Variants in EPC1 observed in about 807,000 individuals in gnomAD.
EPC1 encodes enhancer of polycomb homolog 1.
EPC1 carries 12 observed loss-of-function variants against 98.4 expected under a neutral mutation model. The observed-to-expected ratio is 0.12, with a 90% CI of 0.08 to 0.20. The LOEUF is 0.20. EPC1 is among the 10% of genes least tolerant of loss of function. The pLI is 1.00. For missense variants in EPC1, 729 were observed against 990.5 expected (o/e 0.74, Z 3.54); for synonymous variants, 357 against 363.9 (o/e 0.98, Z 0.21).
At chr10:32,363,635 T>A (rs1346088556) in intron 1 of EPC1, among the ~76,000 whole-genome samples, 2 of 150,910 alleles carry the variant, frequency 1.3e-5, no homozygotes, top group Non-Finnish European at 3.0e-5. Context: ...CTATCCTTTC[T>A]CTTTCAATTC....
chr10:32,346,211 CCACGTGGGGGCTG>C (rs1355716923), intron 1 of EPC1, among the ~76,000 whole-genome samples: 3 of 152,344 alleles, frequency 2.0e-5, no homozygotes, highest in Non-Finnish European at 4.4e-5. Flanking sequence ...GTCTGAGGCT[CCACGTGGGGGCTG>C]CACTGAGCCC....
intron 1 of EPC1, among the ~76,000 whole-genome samples, chr10:32,367,666 C>T (rs540260194): frequency 6.6e-6 from 1 of 152,120 alleles, no homozygotes; most frequent in East Asian, 1.9e-4. Context: ...AATGCAAAAT[C>T]GTAAAGTCAT....
intron 1 of EPC1, among the ~76,000 whole-genome samples, chr10:32,346,006 A>G (rs958930729): frequency 9.9e-5 from 15 of 152,262 alleles, no homozygotes; most frequent in Non-Finnish European, 2.1e-4. Flanking sequence ...AGAAAAAGTC[A>G]GGGATAGTGG....
intron 10 of EPC1, among the ~76,000 whole-genome samples, chr10:32,278,239 G>A (rs1022137016): frequency 3.5e-4 from 52 of 150,122 alleles, no homozygotes; most frequent in Middle Eastern, 3.7e-3. Context: ...CGGAGTTTTC[G>A]CCATGTTTGC....
chr10:32,286,620 C>T, intron 9 of EPC1, 74 bp downstream of exon 9: 1 of 1,545,214 alleles, frequency 6.5e-7, no homozygotes, highest in African/African-American at 1.4e-5. Context: ...GAGGGATTAC[C>T]TGACTTTAAA....
chr10:32,339,926 T>C (rs1838233307), intron 1 of EPC1, among the ~76,000 whole-genome samples: 1 of 152,178 alleles, frequency 6.6e-6, no homozygotes, highest in African/African-American at 2.4e-5. Flanking sequence ...GCTATTTGGA[T>C]GCTCAGAGGA....
At chr10:32,333,740 T>C (rs1837780411) in intron 1 of EPC1, among the ~76,000 whole-genome samples, 1 of 145,906 alleles carries the variant, frequency 6.9e-6, no homozygotes, top group African/African-American at 2.5e-5. Context: ...CACTTCACAG[T>C]GTATCTCAGT....
At position 32,284,827 on chromosome 10, in the gene EPC1, T is replaced by C; in HGVS notation, c.1615A>G (p.Ser539Gly). The C allele has an allele frequency of 6.2e-7, 1 of 1,614,224 alleles. No homozygotes were observed. The highest frequency in any genetic ancestry group is 8.5e-7 in the Non-Finnish European group (1 of 1,180,028). Residue 539 changes from serine to glycine, a missense_variant, in exon 10 of 14, where the codon AGT becomes GGT. By Grantham distance (56) the Ser-to-Gly change is moderately conservative. This residue lies in a region of EPC1 where 390 missense variants were observed against 438.6 expected (regional missense o/e 0.89). Transcript: ENST00000319778. Reference protein sequence around the residue: ...FRPRTPSLHDSDNDELSCRKL... With the variant: ...FRPRTPSLHDGDNDELSCRKL... ...CTACAGGAGAGTTCATCATTGTCACTGTCATGTAGGGATGGTGTCCGAGGC... is the reference window on the plus strand; with the variant it reads ...CTACAGGAGAGTTCATCATTGTCACCGTCATGTAGGGATGGTGTCCGAGGC...
chr10:32,345,514 G>C (rs1411294692), intron 1 of EPC1: 28 of 985,458 alleles, frequency 2.8e-5, no homozygotes, highest in Non-Finnish European at 3.4e-5. Flanking sequence ...CGCGACTCCT[G>C]GACTTCCTTG....
intron 10 of EPC1, among the ~76,000 whole-genome samples, chr10:32,277,279 G>A (rs576181598): frequency 6.6e-6 from 1 of 152,140 alleles, no homozygotes; most frequent in South Asian, 2.1e-4. Context: ...AACCAGGAAC[G>A]GGATTAGGAA....
intron 5 of EPC1, chr10:32,291,775 A>G (rs1719563212): frequency 6.6e-6 from 1 of 152,298 alleles, no homozygotes; most frequent in African/African-American, 2.4e-5. Flanking sequence ...TTAAACTTTG[A>G]CTATTCAATT....
At chr10:32,280,917 C>T (rs914169015) in intron 10 of EPC1, among the ~76,000 whole-genome samples, 3 of 152,302 alleles carry the variant, frequency 2.0e-5, no homozygotes, top group African/African-American at 7.2e-5. Flanking sequence ...TGAAATGCTC[C>T]AAGAACCAAA....
chr10:32,273,027 T>C (rs1270584752), intron 11 of EPC1, 136 bp downstream of exon 11: 3 of 1,614,166 alleles, frequency 1.9e-6, no homozygotes, highest in South Asian at 1.1e-5. Flanking sequence ...TAGTGTTCTT[T>C]CTAAACCCTG....
At chr10:32,327,724 G>A (rs1211152629) in intron 1 of EPC1, among the ~76,000 whole-genome samples, 7 of 152,256 alleles carry the variant, frequency 4.6e-5, no homozygotes, top group East Asian at 1.9e-4. Context: ...AACCTGTATC[G>A]TATGTTACTG....
intron 1 of EPC1, among the ~76,000 whole-genome samples, chr10:32,352,402 C>G (rs17230270): frequency 1.3e-5 from 2 of 151,988 alleles, no homozygotes; most frequent in African/African-American, 4.8e-5. Flanking sequence ...GACTGTCTAC[C>G]GAAATCCTAT....
At chr10:32,339,091 C>G (rs1444090498) in intron 1 of EPC1, among the ~76,000 whole-genome samples, 4 of 152,216 alleles carry the variant, frequency 2.6e-5, no homozygotes, top group Non-Finnish European at 2.9e-5. Context: ...GAACTTGACC[C>G]TTCTTAAACT....
At chr10:32,339,424 AG>A (rs915915518) in intron 1 of EPC1, among the ~76,000 whole-genome samples, 145 of 152,288 alleles carry the variant, frequency 9.5e-4, no homozygotes, top group African/African-American at 3.4e-3. Flanking sequence ...ACACACCTGT[AG>A]CCCCAGCTAC....
chr10:32,293,105 T>C lies in EPC1; in HGVS notation c.549A>G (p.Lys183=), dbSNP rs570705815. The change falls in exon 4 of 14, where the codon AAA becomes AAG. Residue 183 remains lysine, a synonymous_variant. Transcript: ENST00000319778. ...EVYEYWIKKR[K]NCRGPSLIPS... ...GAATAAGAGATGGCCCTCGACAGTT[T>C]TTTCTCTTTTTAATCCAATATTCAT... The C allele has an allele frequency of 6.2e-7, 1 of 1,613,428 alleles. No individual in the cohort carries two copies. Among genetic ancestry groups the C allele is most frequent in the African/African-American group, 1.3e-5 (1 of 75,004 alleles).
chr10:32,281,906 G>A (rs1296707789), intron 10 of EPC1: 2 of 152,108 alleles, frequency 1.3e-5, no homozygotes, highest in African/African-American at 4.8e-5. Flanking sequence ...CCTGACCTCA[G>A]GTGATCTGCC....
Sources: allele counts gnomAD v4.1 joint callset (sites outside exome capture counted in the v4.1 genomes callset), GRCh38; gene constraint gnomAD v4.1.1; regional missense constraint gnomAD v4.1.1; transcripts MANE v1.5; gene names NCBI Gene and HGNC (gene_info 2026-07-23, HGNC 2026-07-21).